ARID1A: variants seen among roughly 807,000 people sequenced by gnomAD.
The protein encoded by ARID1A is AT-rich interaction domain 1A, also known as AT-rich interactive domain-containing protein 1A.
ARID1A carries 20 observed loss-of-function variants against 212.6 expected under a neutral mutation model. That is an observed-to-expected ratio of 0.09 (90% confidence interval 0.07 to 0.14). ARID1A has a LOEUF of 0.14. Ranked by LOEUF, ARID1A falls within the 10% of genes least tolerant of loss-of-function variation. The pLI is 1.00. For missense variants in ARID1A, 2,587 were observed against 3,059.0 expected, an observed-to-expected ratio of 0.85 and a Z score of 3.64; for synonymous variants, 1,376 against 1,222.1, an observed-to-expected ratio of 1.13 and a Z score of -2.63.
chr1:26,729,931 C>A, intron 2 of ARID1A, 68 bp downstream of exon 2: 1 of 1,541,410 alleles, frequency 6.5e-7, no homozygotes, highest in South Asian at 1.1e-5. Context: ...GCTATAGAAT[C>A]AGAATGTATC....
At chr1:26,718,717 A>G (rs2080529057) in intron 1 of ARID1A, among the ~76,000 whole-genome samples, 1 of 152,182 alleles carries the variant, frequency 6.6e-6, no homozygotes, top group Admixed American at 6.5e-5. Flanking sequence ...GACAAGAAAA[A>G]AAGTGTACAC....
Position 26,731,153 on chromosome 1 carries a change from T to C in ARID1A, c.1352T>C (p.Ile451Thr). 1 of 1,613,212 alleles carries C rather than the reference T, an allele frequency of 6.2e-7. No individual in the cohort carries two copies. The highest frequency in any genetic ancestry group is 8.5e-7 in the Non-Finnish European group (1 of 1,179,266). Reference protein sequence around the residue: ...AMGGLSYTQQIPPYGQQGPSG... With the variant: ...AMGGLSYTQQTPPYGQQGPSG... ...AAAGTATATTTTCCTTTCCTACAGA[T>C]TCCTCCTTATGGACAACAAGGCCCC... is the stretch of plus-strand genomic sequence containing the variant. The change falls in exon 3 of 20, where the codon ATT (isoleucine) becomes ACT (threonine). Residue 451 changes from isoleucine to threonine, a missense_variant and splice_region_variant. By Grantham distance (89) the Ile-to-Thr change is moderately conservative. This residue lies in a region of ARID1A where 674 missense variants were observed against 813.4 expected (regional missense o/e 0.83). Transcript: ENST00000324856.
intron 1 of ARID1A, among the ~76,000 whole-genome samples, chr1:26,707,051 C>T (rs1391824833): frequency 5.3e-5 from 8 of 150,768 alleles, no homozygotes; most frequent in East Asian, 3.9e-4. Flanking sequence ...TTTTTTTAGA[C>T]GGAGTCTTGC....
intron 1 of ARID1A, among the ~76,000 whole-genome samples, chr1:26,712,087 G>GA (rs71581091): frequency 8.0e-5 from 12 of 150,294 alleles, no homozygotes; most frequent in South Asian, 2.1e-4. Flanking sequence ...TCTATATACA[G>GA]AAAAAAAAAT....
At position 26,696,448 on chromosome 1, in the gene ARID1A, C is replaced by CCCG. The variant is rs748085214; in HGVS notation, c.60_62dup (p.Pro21dup). 154 of 1,285,876 alleles carry CCCG rather than the reference C, an allele frequency of 1.2e-4. No individual in the cohort carries two copies. The African/African-American group carries it at 1.7e-3, about 14-fold the overall frequency. The allele number at this position is 1,285,876 out of a possible 1,614,324, so 79.7% of individuals were successfully genotyped here. On this transcript the variant is annotated inframe_insertion, in exon 1 of 20. Coordinates refer to ENST00000324856, the MANE Select transcript of ARID1A (RefSeq NM_006015.6). The stretch of plus-strand genomic sequence containing the variant: ...CCGCCGCCGCCAGCAGCCTGGGCAA[C>CCCG]CCGCCGCCGCCGCCGCCCTCGGAGC...
In ARID1A at chr1:26,774,728, C is replaced by T. The variant is rs759751306; in HGVS notation, c.4501C>T (p.Arg1501Cys). Residue 1501 changes from arginine (R) to cysteine (C), a missense_variant, in exon 18 of 20, where the codon CGT becomes TGT. Around this residue, in one of 11 missense-constraint regions of ARID1A, gnomAD observed 890 missense variants for 1,098.2 expected, o/e 0.81. Coordinates refer to ENST00000324856, the MANE Select transcript of ARID1A (RefSeq NM_006015.6). This position sits in a 1 kb window ranked among gnomAD's most constrained non-coding sequence, Gnocchi z 5.6. ...TCAGCAAGGCACCATGTGGCAGGGG[C>T]GTAATGACATGACCTATAATTATGC... Reference protein sequence around the residue: ...VAQQGTMWQGRNDMTYNYANR... With the variant: ...VAQQGTMWQGCNDMTYNYANR... 15 of 1,614,104 alleles carry T rather than the reference C, an allele frequency of 9.3e-6. No homozygotes were observed. The highest frequency in any genetic ancestry group is 2.2e-5 in the East Asian group (1 of 44,894).
At position 26,723,107 on chromosome 1, in the gene ARID1A, G is replaced by A. The variant is rs752992824; in HGVS notation, c.1138-6544G>A. Among the ~76,000 whole-genome samples, 5 of 152,250 alleles carry A rather than the reference G, an allele frequency of 3.3e-5. 1 individual carries two copies. Among genetic ancestry groups the A allele is most frequent in the South Asian group, 4.1e-4 (2 of 4,824 alleles). On this transcript the variant is annotated intron_variant, in intron 1 of 19. Coordinates refer to ENST00000324856, the MANE Select transcript of ARID1A (RefSeq NM_006015.6). ...ATATAGAAAAGACAGGATAAGGGGCGTTAGATACAGTTGTCTGGCTGGGGA... is the reference window on the plus strand; with the variant it reads ...ATATAGAAAAGACAGGATAAGGGGCATTAGATACAGTTGTCTGGCTGGGGA...
intron 1 of ARID1A, among the ~76,000 whole-genome samples, chr1:26,711,255 C>T (rs1041666309): frequency 4.6e-5 from 7 of 151,962 alleles, no homozygotes; most frequent in African/African-American, 9.7e-5. Context: ...TACAGGTCCA[C>T]GCCACCACGC....
At chr1:26,708,633 T>C (rs2080418912) in intron 1 of ARID1A, among the ~76,000 whole-genome samples, 1 of 151,622 alleles carries the variant, frequency 6.6e-6, no homozygotes, top group African/African-American at 2.4e-5. Flanking sequence ...TATGAAAGTA[T>C]ATGCAGAGTG....
intron 1 of ARID1A, among the ~76,000 whole-genome samples, chr1:26,706,024 T>A (rs1196398053): frequency 6.6e-6 from 1 of 152,168 alleles, no homozygotes; most frequent in African/African-American, 2.4e-5. Flanking sequence ...CAGGACAGAT[T>A]TTTGTCACCC....
chr1:26,780,550 A>T lies in ARID1A; in HGVS notation c.6652A>T (p.Met2218Leu), dbSNP rs760749276. The change falls in exon 20 of 20, where the codon ATG becomes TTG. Residue 2218 changes from methionine to leucine, a missense_variant. Met to Leu is a conservative substitution (Grantham distance 15). Coordinates refer to ENST00000324856, the MANE Select transcript of ARID1A (RefSeq NM_006015.6). The surrounding 1 kb of genome is among the most constrained non-coding windows in gnomAD (Gnocchi z 7.2). ...FQQSQASLLH[M>L]QNPPFEPTSV... is the part of the protein sequence containing the mutation. ...GCAGAGCCAGGCCAGCCTCCTCCAC[A>T]TGCAGAACCCACCCTTTGAGCCAAC... The T allele has an allele frequency of 2.5e-6, 4 of 1,614,144 alleles. No individual in the cohort carries two copies. The highest frequency in any genetic ancestry group is 3.4e-6 in the Non-Finnish European group (4 of 1,179,968).
chr1:26,710,020 C>CG (rs1157931351), intron 1 of ARID1A, among the ~76,000 whole-genome samples: 2 of 150,656 alleles, frequency 1.3e-5, no homozygotes, highest in African/African-American at 4.9e-5. Flanking sequence ...TTAGTAGAGA[C>CG]GGGGTTTCAC....
In ARID1A at chr1:26,781,435, A is replaced by T; in HGVS notation, c.*679A>T. 1 of 233,396 alleles carries T rather than the reference A, an allele frequency of 4.3e-6. No homozygotes were observed. Among genetic ancestry groups the T allele is most frequent in the East Asian group, 6.0e-5 (1 of 16,562 alleles). 14.5% of individuals were successfully genotyped at this position (233,396 alleles called of 1,614,324 possible). A position where few individuals can be genotyped will look rare whatever the true frequency, so the allele number is the denominator to read the frequency against. ...CAGCAGCAAGCTGTAGTTTTTAAAA[A>T]TGTTTTTAGTTAAACGTTGAGGAGA... On this transcript the variant is annotated 3_prime_UTR_variant, in exon 20 of 20. Transcript: ENST00000324856.
chr1:26,741,974 T>A (rs1421075939), intron 4 of ARID1A, among the ~76,000 whole-genome samples: 1 of 152,168 alleles, frequency 6.6e-6, no homozygotes, highest in Non-Finnish European at 1.5e-5. Flanking sequence ...ACAGTCAACA[T>A]CAGTTATTCT....
intron 4 of ARID1A, among the ~76,000 whole-genome samples, chr1:26,748,608 CTTTTTTTTTTT>C (rs36087588): frequency 8.5e-6 from 1 of 117,730 alleles, no homozygotes; most frequent in Non-Finnish European, 1.8e-5. Context: ...GACCCAGATT[CTTTTTTTTTTT>C]TTTTTTTTTG....
chr1:26,721,033 G>A (rs80036989), intron 1 of ARID1A, among the ~76,000 whole-genome samples: 9,052 of 152,182 alleles, frequency 0.059, 330 homozygotes, highest in Non-Finnish European at 0.08. Flanking sequence ...ACTGGGATTG[G>A]ACCCCAGATG....
rs553159499 is a variant in ARID1A, at chr1:26,696,942, G to C, written c.539G>C (p.Gly180Ala). 17 of 1,453,282 alleles carry C rather than the reference G, an allele frequency of 1.2e-5. No homozygotes were observed. In the African/African-American group the frequency reaches 2.5e-4, roughly 22 times the overall value. The allele number at this position is 1,453,282 out of a possible 1,614,324, so 90.0% of individuals were successfully genotyped here. A position where few individuals can be genotyped will look rare whatever the true frequency, so the allele number is the denominator to read the frequency against. Residue 180 changes from glycine to alanine, a missense_variant, in exon 1 of 20, where the codon GGC becomes GCC. Physicochemically the swap from Gly to Ala is moderately conservative, Grantham distance 60. Around this residue, in one of 11 missense-constraint regions of ARID1A, gnomAD observed 735 missense variants for 590.6 expected, o/e 1.24. Coordinates refer to ENST00000324856, the MANE Select transcript of ARID1A (RefSeq NM_006015.6). The part of the protein sequence containing the change: ...HQQHGGQQSP[G>A]LAALQSGGGG... ...CAACATGGCGGACAACAAAGCCCTG[G>C]CCTGGCAGCGCTGCAGAGCGGCGGC...
In ARID1A at chr1:26,697,467, A is replaced by G. The variant is rs2080283159; in HGVS notation, c.1064A>G (p.Gln355Arg). 2 of 1,390,344 alleles carry G rather than the reference A, an allele frequency of 1.4e-6. No homozygotes were observed. Among genetic ancestry groups the G allele is most frequent in the East Asian group, 3.1e-5 (1 of 32,750 alleles). The allele number at this position is 1,390,344 out of a possible 1,614,324, so 86.1% of individuals were successfully genotyped here. A position where few individuals can be genotyped will look rare whatever the true frequency, so the allele number is the denominator to read the frequency against. Residue 355 changes from glutamine (Q) to arginine (R), a missense_variant, in exon 1 of 20, where the codon CAA becomes CGA. Physicochemically the swap from Gln to Arg is conservative, Grantham distance 43. Coordinates refer to ENST00000324856, the MANE Select transcript of ARID1A (RefSeq NM_006015.6). ...GCGGCCGCCTCGGGAGGGGCCCAACAAAGGAGCCACCACGCGCCCATGAGC... is the reference window on the plus strand; with the variant it reads ...GCGGCCGCCTCGGGAGGGGCCCAACGAAGGAGCCACCACGCGCCCATGAGC... ...AAAAASGGAQ[Q>R]RSHHAPMSPG...
chr1:26,704,663 A>G (rs1335069129), intron 1 of ARID1A, among the ~76,000 whole-genome samples: 1 of 152,042 alleles, frequency 6.6e-6, no homozygotes, highest in East Asian at 1.9e-4. Context: ...CAGCCTTGGG[A>G]CCAGGCTATT....
Sources: allele counts gnomAD v4.1 joint callset (sites outside exome capture counted in the v4.1 genomes callset), GRCh38; gene constraint gnomAD v4.1.1; regional missense constraint gnomAD v4.1.1; non-coding constraint Gnocchi (gnomAD v3.1); transcripts MANE v1.5; gene names NCBI Gene and HGNC (gene_info 2026-07-23, HGNC 2026-07-21).